AKT3: variants seen among roughly 807,000 people sequenced by gnomAD.
The protein encoded by AKT3 is RAC-gamma serine/threonine-protein kinase.
A neutral mutation model predicts 65.3 loss-of-function variants in AKT3; 15 were observed. The ratio of observed to expected loss-of-function variants is 0.23; its 90% CI spans 0.15 to 0.35. AKT3 has a LOEUF of 0.35. Ranked by LOEUF, AKT3 falls within the 10% of genes least tolerant of loss-of-function variation. AKT3 has a pLI of 1.00. For missense variants in AKT3, 243 were observed against 576.5 expected, an observed-to-expected ratio of 0.42 and a Z score of 5.92; for synonymous variants, 206 against 183.8, an observed-to-expected ratio of 1.12 and a Z score of -0.98.
chr1:243,616,790 G>T (rs1189766960), intron 6 of AKT3, among the ~76,000 whole-genome samples: 1 of 152,160 alleles, frequency 6.6e-6, no homozygotes, highest in African/African-American at 2.4e-5. Flanking sequence ...TTCAAAGAAG[G>T]TAAGATCAAT....
chr1:243,571,109 G>C (rs1674526890), intron 9 of AKT3, among the ~76,000 whole-genome samples: 1 of 152,048 alleles, frequency 6.6e-6, no homozygotes, highest in African/African-American at 2.4e-5. Context: ...ACGAGGTCAG[G>C]AGATCGAGAC....
At chr1:243,779,429 C>T (rs2148302794) in intron 2 of AKT3, among the ~76,000 whole-genome samples, 1 of 152,104 alleles carries the variant, frequency 6.6e-6, no homozygotes, top group South Asian at 2.1e-4. Flanking sequence ...TTAAAAATCT[C>T]ATCCAGGAAG....
At chr1:243,532,189 A>G (rs1239389709) in intron 12 of AKT3, among the ~76,000 whole-genome samples, 2 of 152,154 alleles carry the variant, frequency 1.3e-5, no homozygotes, top group Admixed American at 6.5e-5. Context: ...TTTCTTCCTT[A>G]TCTCAGGGGA....
At chr1:243,606,479 C>A (rs1677429139) in intron 8 of AKT3, among the ~76,000 whole-genome samples, 1 of 152,166 alleles carries the variant, frequency 6.6e-6, no homozygotes, top group Non-Finnish European at 1.5e-5. Context: ...TTTGCCCCTG[C>A]CCTAGAGATC....
chr1:243,735,383 C>T (rs1443858277), intron 2 of AKT3, among the ~76,000 whole-genome samples: 1 of 152,230 alleles, frequency 6.6e-6, no homozygotes, highest in African/African-American at 2.4e-5. Context: ...TATGGGATCG[C>T]TGTCATATAT....
At chr1:243,497,007 T>C (rs1668096575), downstream of AKT3, among the ~76,000 whole-genome samples, 1 of 152,058 alleles carries the variant, frequency 6.6e-6, no homozygotes, top group South Asian at 2.1e-4. Flanking sequence ...GCAAGGGCCA[T>C]GATGACAAAT....
At chr1:243,707,378 A>C (rs1004246955) in intron 2 of AKT3, among the ~76,000 whole-genome samples, 1 of 152,166 alleles carries the variant, frequency 6.6e-6, no homozygotes, top group Non-Finnish European at 1.5e-5. Flanking sequence ...CATTACTAAG[A>C]ATAATGAACT....
At chr1:243,514,628 G>A (rs528041911) in intron 12 of AKT3, among the ~76,000 whole-genome samples, 2 of 152,122 alleles carry the variant, frequency 1.3e-5, no homozygotes, top group African/African-American at 4.8e-5. Context: ...AAAGTTTATT[G>A]ATGCGTAATT....
At chr1:243,746,385 A>T (rs1688473268) in intron 2 of AKT3, among the ~76,000 whole-genome samples, 1 of 152,168 alleles carries the variant, frequency 6.6e-6, no homozygotes, top group African/African-American at 2.4e-5. Context: ...TTGAGTGATA[A>T]ATGTTTTTTC....
intron 13 of AKT3, among the ~76,000 whole-genome samples, chr1:243,493,020 T>TTA (rs1666940605): frequency 6.6e-6 from 1 of 152,210 alleles, no homozygotes; most frequent in African/African-American, 2.4e-5. Flanking sequence ...GAAATGGCTC[T>TTA]TACTTGTCCT....
intron 2 of AKT3, among the ~76,000 whole-genome samples, chr1:243,704,607 G>C (rs1320942793): frequency 2.6e-5 from 4 of 152,140 alleles, no homozygotes; most frequent in Non-Finnish European, 4.4e-5. Flanking sequence ...ACGTCTAACT[G>C]TGGGGAAGGG....
intron 2 of AKT3, among the ~76,000 whole-genome samples, chr1:243,720,631 T>C (rs987218020): frequency 2.0e-5 from 3 of 152,132 alleles, no homozygotes; most frequent in African/African-American, 7.2e-5. Flanking sequence ...AGAGACTTGT[T>C]AATATCATAA....
chr1:243,825,205 G>A (rs1460501084), intron 2 of AKT3, among the ~76,000 whole-genome samples: 1 of 152,152 alleles, frequency 6.6e-6, no homozygotes, highest in Non-Finnish European at 1.5e-5. Context: ...TGAACAATGA[G>A]AACACATGGA....
intron 8 of AKT3, among the ~76,000 whole-genome samples, chr1:243,576,577 T>C (rs2148515070): frequency 6.6e-6 from 1 of 152,230 alleles, no homozygotes; most frequent in Admixed American, 6.5e-5. Context: ...TAAGCATTCC[T>C]ATACAACAAC....
At chr1:243,577,092 A>T (rs921181855) in intron 8 of AKT3, among the ~76,000 whole-genome samples, 3 of 152,186 alleles carry the variant, frequency 2.0e-5, no homozygotes, top group African/African-American at 7.2e-5. Flanking sequence ...CAACTATTTG[A>T]TTTTTAACAA....
intron 12 of AKT3, among the ~76,000 whole-genome samples, chr1:243,532,827 A>G (rs1236242465): frequency 1.3e-5 from 2 of 152,116 alleles, no homozygotes; most frequent in African/African-American, 2.4e-5. Flanking sequence ...TATTTCTTTA[A>G]GAGTTACGGG....
At chr1:243,573,195 G>A in intron 8 of AKT3, 147 bp from the exon 9 acceptor site, 1 of 911,948 alleles carries the variant, frequency 1.1e-6, no homozygotes, top group Admixed American at 3.4e-5. Context: ...GACAGCAGCT[G>A]GCTTATCTTT....
At chr1:243,713,264 C>T (rs949223738) in intron 2 of AKT3, among the ~76,000 whole-genome samples, 2 of 152,052 alleles carry the variant, frequency 1.3e-5, no homozygotes, top group Non-Finnish European at 2.9e-5. Context: ...ACCATCAACA[C>T]GGAGAAATAA....
chr1:243,772,282 T>C (rs368663089), intron 2 of AKT3, among the ~76,000 whole-genome samples: 2 of 151,900 alleles, frequency 1.3e-5, no homozygotes, highest in South Asian at 2.1e-4. Context: ...ATTTTTGCAA[T>C]CTACTCATCT....
Sources: allele counts gnomAD v4.1 joint callset (sites outside exome capture counted in the v4.1 genomes callset), GRCh38; gene constraint gnomAD v4.1.1; transcripts MANE v1.5; gene names NCBI Gene and HGNC (gene_info 2026-07-23, HGNC 2026-07-21).